Variants in ABLIM2 observed in about 807,000 individuals in gnomAD.
ABLIM2 encodes actin binding LIM protein family member 2.
ABLIM2 carries 53 observed loss-of-function variants against 97.7 expected under a neutral mutation model. That is an observed-to-expected ratio of 0.54 (90% confidence interval 0.44 to 0.68). ABLIM2 has a LOEUF of 0.68. Among genes scored for constraint, ABLIM2 ranks in the 30% least tolerant of loss-of-function variants. The probability of loss-of-function intolerance (pLI) is 0.00; values close to 1 mark genes in which losing one functional copy is unlikely to be tolerated. For synonymous variants in ABLIM2, 361 were observed against 345.8 expected (o/e 1.04, Z -0.49); for missense variants, 835 against 867.2 (o/e 0.96, Z 0.47).
chr4:7,983,478 C>T, intron 19 of ABLIM2, 69 bp downstream of exon 19: 2 of 1,604,014 alleles, frequency 1.2e-6, no homozygotes, highest in East Asian at 2.2e-5. Context: ...TAAAGCACAA[C>T]AGAAAGGACT....
intron 20 of ABLIM2, among the ~76,000 whole-genome samples, chr4:7,982,732 G>GTC (rs1163437752): frequency 2.0e-5 from 3 of 152,000 alleles, no homozygotes; most frequent in Admixed American, 1.3e-4. Flanking sequence ...TTGAGATGGA[G>GTC]TCTCTCTGTC....
At chr4:8,008,951 G>C in intron 15 of ABLIM2, 99 bp downstream of exon 15, 2 of 1,424,948 alleles carry the variant, frequency 1.4e-6, no homozygotes, top group Non-Finnish European at 2.0e-6. Context: ...GGAACAGAAT[G>C]TAAGAGGAAG....
intron 20 of ABLIM2, among the ~76,000 whole-genome samples, chr4:7,969,531 G>C (rs1237324575): frequency 6.6e-6 from 1 of 152,080 alleles, no homozygotes; most frequent in Admixed American, 6.6e-5. Context: ...TGGAAGTGGA[G>C]ACATCTGGTC....
rs906662549 is a variant in ABLIM2, at chr4:8,095,274, T to G, written c.338+1825A>C. ...ATGCACCACCATGCCAGACTAATTT[T>G]TAAATTTTTTGTAGAGACAGGGTCT... On this transcript the variant is annotated intron_variant, in intron 3 of 20. Transcript: ENST00000447017. The surrounding 1 kb of genome is among the most constrained non-coding windows in gnomAD (Gnocchi z 4.7). Among the ~76,000 whole-genome samples, 3 of 152,032 alleles carry G rather than the reference T, an allele frequency of 2.0e-5. No individual in the cohort carries two copies. The highest frequency in any genetic ancestry group is 4.4e-5 in the Non-Finnish European group (3 of 68,020).
In ABLIM2 at chr4:7,966,945, T is replaced by C; in HGVS notation, c.*45A>G. 1 of 1,263,076 alleles carries C rather than the reference T, an allele frequency of 7.9e-7. No individual in the cohort carries two copies. The highest frequency in any genetic ancestry group is 1.1e-6 in the Non-Finnish European group (1 of 950,650). 78.2% of individuals were successfully genotyped at this position (1,263,076 alleles called of 1,614,324 possible). On this transcript the variant is annotated 3_prime_UTR_variant, in exon 21 of 21. Coordinates refer to ENST00000447017, the MANE Select transcript of ABLIM2 (RefSeq NM_001130083.2). ...GTGTGCGGTTCTCGCCAGGGGCCCC[T>C]GGCCTCGGCGCCCGGCACACACCAG...
At position 7,992,158 on chromosome 4, in the gene ABLIM2, G is replaced by A. The variant is rs1214215317; in HGVS notation, c.1680+708C>T. 6.6e-6 allele frequency among the ~76,000 whole-genome samples: 1 copy of A among 152,030 alleles called. No individual in the cohort carries two copies. Among genetic ancestry groups the A allele is most frequent in the African/African-American group, 2.4e-5 (1 of 41,374 alleles). On this transcript the variant is annotated intron_variant, in intron 17 of 20. Transcript: ENST00000447017. The surrounding 1 kb of genome is among the most constrained non-coding windows in gnomAD (Gnocchi z 5.7). ...GATCCTCACTGGGGACCCCTGTGAC[G>A]CTGTGGGCAGAGGAACAAACATAAG...
In ABLIM2 at chr4:8,022,163, C is replaced by T. The variant is rs191805891; in HGVS notation, c.1268-1860G>A. 6.6e-4 allele frequency among the ~76,000 whole-genome samples: 101 copies of T among 152,352 alleles called. No homozygotes were observed. The highest frequency in any genetic ancestry group is 2.4e-3 in the African/African-American group (100 of 41,580). On this transcript the variant is annotated intron_variant, in intron 12 of 20. Transcript: ENST00000447017. This position sits in a 1 kb window ranked among gnomAD's most constrained non-coding sequence, Gnocchi z 7.8. ...CACACGAACTCTGAACAGAGGAAGACGGTTTGCTTCAGGCACCATCTCTAA... is the reference window on the plus strand; with the variant it reads ...CACACGAACTCTGAACAGAGGAAGATGGTTTGCTTCAGGCACCATCTCTAA...
At chr4:7,987,027 G>C (rs903143392) in intron 17 of ABLIM2, among the ~76,000 whole-genome samples, 3 of 151,978 alleles carry the variant, frequency 2.0e-5, no homozygotes, top group Non-Finnish European at 4.4e-5. Flanking sequence ...CTGTCACCCA[G>C]ACTGGAGTGC....
Position 8,029,764 on chromosome 4 carries a change from C to A in ABLIM2, c.1060G>T (p.Asp354Tyr). ...RQSYGEGDQD[D>Y]RSYKQCRTSS... ...GTCCGACACTGCTTGTAGGACCGGT[C>A]ATCCTGATCCCCCTGGGAGGGAAGA... The change falls in exon 11 of 21, where the codon GAC (aspartate) becomes TAC (tyrosine). Residue 354 changes from aspartate (D) to tyrosine (Y), a missense_variant. Asp to Tyr is a radical substitution (Grantham distance 160, BLOSUM62 -3). Coordinates refer to ENST00000447017, the MANE Select transcript of ABLIM2 (RefSeq NM_001130083.2). 1 of 1,569,726 alleles carries A rather than the reference C, an allele frequency of 6.4e-7. No individual in the cohort carries two copies. The highest frequency in any genetic ancestry group is 1.2e-5 in the South Asian group (1 of 85,114).
At chr4:8,126,271 C>T (rs1255636137) in intron 1 of ABLIM2, among the ~76,000 whole-genome samples, 1 of 152,116 alleles carries the variant, frequency 6.6e-6, no homozygotes, top group African/African-American at 2.4e-5. Flanking sequence ...AGAGATGAGG[C>T]CCTGCTGGGC....
chr4:8,036,093 T>C, intron 10 of ABLIM2, 56 bp downstream of exon 10: 5 of 1,595,994 alleles, frequency 3.1e-6, no homozygotes, highest in Non-Finnish European at 4.3e-6. Context: ...ACGCCTGTCC[T>C]GCAGGGCAGC....
intron 3 of ABLIM2, among the ~76,000 whole-genome samples, chr4:8,092,003 A>G (rs1829095424): frequency 7.2e-6 from 1 of 138,492 alleles, no homozygotes; most frequent in Non-Finnish European, 1.5e-5. Context: ...AATATAATAT[A>G]TATATATTTT....
intron 6 of ABLIM2, among the ~76,000 whole-genome samples, chr4:8,070,060 T>A (rs972410199): frequency 2.0e-5 from 3 of 151,966 alleles, no homozygotes; most frequent in African/African-American, 7.2e-5. Flanking sequence ...TATCTGTGTA[T>A]CTGAGTGTGT....
intron 3 of ABLIM2, 136 bp downstream of exon 3, chr4:8,096,963 G>C: frequency 8.8e-7 from 1 of 1,132,250 alleles, no homozygotes; most frequent in Non-Finnish European, 1.2e-6. Flanking sequence ...CAGACTGTGG[G>C]GCCTGGAACA....
At position 8,125,319 on chromosome 4, in the gene ABLIM2, T is replaced by C. The variant is rs1847367938; in HGVS notation, c.11-18682A>G. On this transcript the variant is annotated intron_variant, in intron 1 of 20. Coordinates refer to ENST00000447017, the MANE Select transcript of ABLIM2 (RefSeq NM_001130083.2). This position sits in a 1 kb window ranked among gnomAD's most constrained non-coding sequence, Gnocchi z 6.2. ...CGTCATGAAGATGCGCTTCTGAGTGTTCTTCTAAGAGATTTACGGGTTTTT... is the reference window on the plus strand; with the variant it reads ...CGTCATGAAGATGCGCTTCTGAGTGCTCTTCTAAGAGATTTACGGGTTTTT... 1.3e-5 allele frequency among the ~76,000 whole-genome samples: 2 copies of C among 152,234 alleles called. No homozygotes were observed. The highest frequency in any genetic ancestry group is 2.9e-5 in the Non-Finnish European group (2 of 68,042).
In ABLIM2 at chr4:8,085,389, G is replaced by T. The variant is rs1220901082; in HGVS notation, c.454+2780C>A. Among the ~76,000 whole-genome samples the T allele has an allele frequency of 2.6e-5, 4 of 152,182 alleles. No homozygotes were observed. Among genetic ancestry groups the T allele is most frequent in the Non-Finnish European group, 5.9e-5 (4 of 68,028 alleles). On this transcript the variant is annotated intron_variant, in intron 4 of 20. Transcript: ENST00000447017. This position sits in a 1 kb window ranked among gnomAD's most constrained non-coding sequence, Gnocchi z 6.1. ...GATGTACCGAGAACACCACGGCGTG[G>T]CTTTGGAGGAAGCTGCCATCTGGTG...
chr4:7,993,690 A>T (rs1474928463), intron 16 of ABLIM2, among the ~76,000 whole-genome samples: 1 of 152,094 alleles, frequency 6.6e-6, no homozygotes, highest in Non-Finnish European at 1.5e-5. Flanking sequence ...AAAAATAAAT[A>T]AAAAAAATCC....
At chr4:8,042,257 A>G (rs989633960) in intron 9 of ABLIM2, among the ~76,000 whole-genome samples, 2 of 152,098 alleles carry the variant, frequency 1.3e-5, no homozygotes, top group African/African-American at 4.8e-5. Flanking sequence ...GGTCATAGAA[A>G]CTAGAAGTTC....
Position 8,075,672 on chromosome 4 carries a change from A to T in ABLIM2, c.675+1956T>A, listed in dbSNP as rs957154847. On this transcript the variant is annotated intron_variant, in intron 6 of 20. Transcript: ENST00000447017. The surrounding 1 kb of genome is among the most constrained non-coding windows in gnomAD (Gnocchi z 4.4). ...ACACCACCGCACTCCAGCCTGGGCAACTGAGTGAGAACCTCTCCAAAAAAA... is the reference window on the plus strand; with the variant it reads ...ACACCACCGCACTCCAGCCTGGGCATCTGAGTGAGAACCTCTCCAAAAAAA... 4.6e-5 allele frequency among the ~76,000 whole-genome samples: 7 copies of T among 152,186 alleles called. No homozygotes were observed. The highest frequency in any genetic ancestry group is 1.3e-4 in the Admixed American group (2 of 15,284).
Sources: gnomAD v4.1 joint callset for allele counts (sites outside exome capture counted in the v4.1 genomes callset) on GRCh38, gnomAD v4.1.1 for gene constraint, Gnocchi (gnomAD v3.1) non-coding constraint, MANE v1.5 for transcripts, NCBI Gene and HGNC (gene_info 2026-07-23, HGNC 2026-07-21) for gene names.